Variants in PMFBP1 observed in about 807,000 individuals in gnomAD.
The protein encoded by PMFBP1 is polyamine-modulated factor 1-binding protein 1.
In PMFBP1, 131 loss-of-function variants were observed where a neutral mutation model predicts 137.8. The ratio of observed to expected loss-of-function variants is 0.95; its 90% confidence interval spans 0.82 to 1.10. The LOEUF (loss-of-function observed/expected upper bound fraction) is 1.10. Among genes scored for constraint, PMFBP1 ranks in the 50% least tolerant of loss-of-function variants. The pLI is 0.00. For missense variants in PMFBP1, 1,199 were observed against 1,175.4 expected, an observed-to-expected ratio of 1.02 and a Z score of -0.29; for synonymous variants, 490 against 450.4, an observed-to-expected ratio of 1.09 and a Z score of -1.11.
At chr16:72,171,498 CCAAA>C (rs2043220032) in intron 1 of PMFBP1, 2 of 435,206 alleles carry the variant, frequency 4.6e-6, no homozygotes, top group Non-Finnish European at 8.3e-6. Context: ...ACTTGGTGAA[CCAAA>C]CAGTTTCTGA....
In PMFBP1 at chr16:72,129,117, C is replaced by T. The variant is rs1209468196; in HGVS notation, c.1899G>A (p.Met633Ile). 8.1e-6 allele frequency: 13 copies of T among 1,614,232 alleles called. No homozygotes were observed. Among genetic ancestry groups the T allele is most frequent in the Non-Finnish European group, 1.1e-5 (13 of 1,180,038 alleles). ...LKKSKEHEKL[M>I]EGELEALRQE... The stretch of plus-strand genomic sequence containing the variant: ...GCCGCAAAGCTTCAAGTTCTCCCTC[C>T]ATCAGCTTCTCATGCTCTTTGCTCT... The change falls in exon 13 of 21, where the codon ATG becomes ATA. Residue 633 changes from methionine (M) to isoleucine (I), a missense_variant. Coordinates refer to ENST00000237353, the MANE Select transcript of PMFBP1 (RefSeq NM_031293.3).
intron 19 of PMFBP1, among the ~76,000 whole-genome samples, chr16:72,120,739 T>C (rs933090293): frequency 2.2e-4 from 34 of 152,218 alleles, no homozygotes; most frequent in Non-Finnish European, 3.8e-4. Flanking sequence ...AAACTAATGT[T>C]GAGGGCAGTG....
At chr16:72,146,911 A>G (rs921601511) in intron 5 of PMFBP1, among the ~76,000 whole-genome samples, 6 of 152,208 alleles carry the variant, frequency 3.9e-5, no homozygotes, top group Admixed American at 6.5e-5. Context: ...ATGCTCATGG[A>G]TAGGAAGAAT....
At chr16:72,244,962 G>A in the PMFBP1 span, among the ~76,000 whole-genome samples, 1 of 152,160 alleles carries the variant, frequency 6.6e-6, no homozygotes, top group Non-Finnish European at 1.5e-5. Flanking sequence ...TCAGTTTTGG[G>A]CACGCAAGAG....
At chr16:72,230,943 G>A in the PMFBP1 span, among the ~76,000 whole-genome samples, 4 of 152,244 alleles carry the variant, frequency 2.6e-5, no homozygotes, top group Admixed American at 6.5e-5. Context: ...TCTTCAAATC[G>A]TGTTCTTTAA....
chr16:72,146,170 T>C (rs990455018), intron 5 of PMFBP1, among the ~76,000 whole-genome samples: 6 of 152,186 alleles, frequency 3.9e-5, no homozygotes, highest in Non-Finnish European at 8.8e-5. Context: ...AAAAAGCTTA[T>C]CTACCATGAT....
chr16:72,130,330 T>C lies in PMFBP1; in HGVS notation c.1665A>G (p.Glu555=). Reference sequence around the variant, plus strand: ...CAAGCTTCCTCAGGGCTTCAGAGAGTTCTAATGACAGCTCCTCCACCCGTT... The same window carrying C: ...CAAGCTTCCTCAGGGCTTCAGAGAGCTCTAATGACAGCTCCTCCACCCGTT... ...NRKRVEELSL[E]LSEALRKLEN... The change falls in exon 12 of 21, where the codon GAA becomes GAG. Residue 555 remains glutamate (E), a synonymous_variant. Transcript: ENST00000237353. 1 of 1,613,992 alleles carries C rather than the reference T, an allele frequency of 6.2e-7. No individual in the cohort carries two copies. The highest frequency in any genetic ancestry group is 8.5e-7 in the Non-Finnish European group (1 of 1,179,988).
At chr16:72,231,060 T>C in the PMFBP1 span, among the ~76,000 whole-genome samples, 7 of 152,190 alleles carry the variant, frequency 4.6e-5, no homozygotes, top group South Asian at 2.1e-4. Context: ...ATGAATGATA[T>C]ATCAGTTCAC....
At chr16:72,213,202 G>GGC in the PMFBP1 span, among the ~76,000 whole-genome samples, 2 of 149,676 alleles carry the variant, frequency 1.3e-5, no homozygotes, top group African/African-American at 5.0e-5. Flanking sequence ...GAGCCCGGGG[G>GGC]GGGGTGGGGA....
intron 4 of PMFBP1, among the ~76,000 whole-genome samples, chr16:72,153,950 ACACACACACACATGCCTG>A (rs2042942208): frequency 6.7e-6 from 1 of 150,362 alleles, no homozygotes; most frequent in African/African-American, 2.4e-5. Flanking sequence ...ACACACACAC[ACACACACACACATGCCTG>A]CACACACACT....
At chr16:72,174,818 A>G (rs936838218), upstream of PMFBP1, among the ~76,000 whole-genome samples, 10 of 152,174 alleles carry the variant, frequency 6.6e-5, no homozygotes, top group African/African-American at 2.4e-4. Flanking sequence ...CCATGATTCA[A>G]TTACCTCCCA....
At chr16:72,209,524 A>G in the PMFBP1 span, among the ~76,000 whole-genome samples, 14 of 152,042 alleles carry the variant, frequency 9.2e-5, no homozygotes, top group African/African-American at 3.4e-4. Flanking sequence ...ATATATGTAT[A>G]TATAACTGTA....
At chr16:72,201,684 CT>C in the PMFBP1 span, among the ~76,000 whole-genome samples, 1 of 152,216 alleles carries the variant, frequency 6.6e-6, no homozygotes, top group Non-Finnish European at 1.5e-5. Flanking sequence ...CAACATTTAC[CT>C]TTCCCTCTGG....
intron 5 of PMFBP1, among the ~76,000 whole-genome samples, chr16:72,142,498 A>G (rs762187018): frequency 2.3e-4 from 35 of 152,230 alleles, no homozygotes; most frequent in South Asian, 1.7e-3. Context: ...TGCATCTCTA[A>G]TACTGTGGTA....
chr16:72,131,283 T>TG (rs2042545820), intron 10 of PMFBP1, among the ~76,000 whole-genome samples: 1 of 151,506 alleles, frequency 6.6e-6, no homozygotes, highest in Non-Finnish European at 1.5e-5. Context: ...GAAAGGGAAG[T>TG]GGGGAGGAAT....
intron 9 of PMFBP1, among the ~76,000 whole-genome samples, chr16:72,134,750 G>A (rs1173050032): frequency 6.6e-6 from 1 of 152,090 alleles, no homozygotes; most frequent in Non-Finnish European, 1.5e-5. Context: ...CCTCTGCCTG[G>A]GTGGCTCCCT....
chr16:72,182,171 C>A, the PMFBP1 span, among the ~76,000 whole-genome samples: 1 of 152,162 alleles, frequency 6.6e-6, no homozygotes, highest in Admixed American at 6.5e-5. Flanking sequence ...ACCGGCATAT[C>A]TCACAGGTAT....
intron 17 of PMFBP1, among the ~76,000 whole-genome samples, chr16:72,124,390 T>C (rs1185300514): frequency 6.6e-6 from 1 of 152,218 alleles, no homozygotes; most frequent in Non-Finnish European, 1.5e-5. Context: ...TGAACTTCAC[T>C]GCTCAGGGAG....
At chr16:72,199,011 G>A in the PMFBP1 span, among the ~76,000 whole-genome samples, 3 of 152,212 alleles carry the variant, frequency 2.0e-5, no homozygotes, top group African/African-American at 7.2e-5. Context: ...TTCCAAAGAT[G>A]ATATCAGAGA....
Sources: gnomAD v4.1 joint callset for allele counts (sites outside exome capture counted in the v4.1 genomes callset) on GRCh38, gnomAD v4.1.1 for gene constraint, MANE v1.5 for transcripts, NCBI Gene and HGNC (gene_info 2026-07-23, HGNC 2026-07-21) for gene names.